The following SLC10A7 variants were observed in gnomAD, a reference collection of about 807,000 sequenced individuals.
The protein encoded by SLC10A7 is sodium/bile acid cotransporter 7.
Under a neutral mutation model 43.2 loss-of-function variants are expected in SLC10A7, and 29 were observed. The observed-to-expected ratio is 0.67, with a 90% CI of 0.50 to 0.92. SLC10A7 has a LOEUF of 0.92. SLC10A7 is among the 40% of genes least tolerant of loss of function. SLC10A7 has a pLI of 0.00. For missense variants in SLC10A7, 295 were observed against 403.2 expected, an observed-to-expected ratio of 0.73 and a Z score of 2.30; for synonymous variants, 152 against 144.8, an observed-to-expected ratio of 1.05 and a Z score of -0.35.
intron 5 of SLC10A7, among the ~76,000 whole-genome samples, chr4:146,379,959 CTGTGTGTGTG>C (rs869182731): frequency 2.5e-5 from 2 of 80,346 alleles, no homozygotes; most frequent in African/African-American, 5.0e-5. Flanking sequence ...CTCTCTCTCT[CTGTGTGTGTG>C]TGTGTGTGTG....
intron 5 of SLC10A7, among the ~76,000 whole-genome samples, chr4:146,434,875 T>G (rs182403421): frequency 7.2e-5 from 11 of 152,274 alleles, no homozygotes; most frequent in Admixed American, 2.6e-4. Context: ...TGAAGTTTTA[T>G]AGTAAAATAA....
At chr4:146,374,655 CACACACATAT>C (rs1737050642) in intron 5 of SLC10A7, among the ~76,000 whole-genome samples, 2 of 146,764 alleles carry the variant, frequency 1.4e-5, no homozygotes, top group African/African-American at 5.1e-5. Context: ...CACACACACA[CACACACATAT>C]ATATATATTT....
chr4:146,332,095 T>C (rs1733577903), intron 5 of SLC10A7, among the ~76,000 whole-genome samples: 1 of 152,174 alleles, frequency 6.6e-6, no homozygotes, highest in Non-Finnish European at 1.5e-5. Context: ...AGCAAGGGCC[T>C]CTTTCCTCTC....
chr4:146,318,246 C>G (rs1275655342), intron 6 of SLC10A7, among the ~76,000 whole-genome samples: 1 of 152,074 alleles, frequency 6.6e-6, no homozygotes, highest in Non-Finnish European at 1.5e-5. Context: ...GTCTTTAACT[C>G]TTCTTCCATT....
chr4:146,487,918 G>A (rs753113501), intron 4 of SLC10A7, among the ~76,000 whole-genome samples: 1 of 151,696 alleles, frequency 6.6e-6, no homozygotes, highest in East Asian at 1.9e-4. Flanking sequence ...AATTAGACAG[G>A]CATAGTGGTG....
chr4:146,396,413 T>C (rs1429674857), intron 5 of SLC10A7, among the ~76,000 whole-genome samples: 2 of 152,106 alleles, frequency 1.3e-5, no homozygotes, highest in African/African-American at 2.4e-5. Flanking sequence ...TTTTACATTA[T>C]GGTATGAAAG....
intron 5 of SLC10A7, among the ~76,000 whole-genome samples, chr4:146,405,789 G>A (rs1234475571): frequency 6.6e-6 from 1 of 151,788 alleles, no homozygotes; most frequent in African/African-American, 2.4e-5. Context: ...AACTCTTAAT[G>A]CTATATAATC....
At chr4:146,491,673 AGG>A in intron 4 of SLC10A7, among the ~76,000 whole-genome samples, 2 of 140,448 alleles carry the variant, frequency 1.4e-5, no homozygotes, top group Non-Finnish European at 3.1e-5. Flanking sequence ...AGAGGGAGGG[AGG>A]AAGGGAAGGA....
intron 5 of SLC10A7, among the ~76,000 whole-genome samples, chr4:146,329,013 A>G (rs1442107211): frequency 9.2e-5 from 14 of 152,256 alleles, no homozygotes; most frequent in Non-Finnish European, 1.5e-5. Context: ...TAATGATACT[A>G]AAGAAAATCA....
chr4:146,512,134 C>A (rs950592210), intron 2 of SLC10A7, among the ~76,000 whole-genome samples: 4 of 151,834 alleles, frequency 2.6e-5, no homozygotes, highest in African/African-American at 4.8e-5. Context: ...CCACCACACC[C>A]AGCTAATTTT....
intron 5 of SLC10A7, among the ~76,000 whole-genome samples, chr4:146,351,644 G>T (rs1355986144): frequency 6.6e-6 from 1 of 151,898 alleles, no homozygotes; most frequent in Non-Finnish European, 1.5e-5. Flanking sequence ...AGGAAGGTCG[G>T]GTTACCCTCA....
intron 10 of SLC10A7, among the ~76,000 whole-genome samples, chr4:146,276,033 CA>C (rs1431544683): frequency 6.6e-6 from 1 of 152,146 alleles, no homozygotes; most frequent in Non-Finnish European, 1.5e-5. Flanking sequence ...CACTCCCGCA[CA>C]TCCCTGATGG....
chr4:146,479,688 G>A (rs1734302882), intron 4 of SLC10A7, among the ~76,000 whole-genome samples: 1 of 152,152 alleles, frequency 6.6e-6, no homozygotes, highest in Non-Finnish European at 1.5e-5. Context: ...AAGTTACAGA[G>A]ATGGATGATG....
At chr4:146,410,653 A>T (rs187290786) in intron 5 of SLC10A7, among the ~76,000 whole-genome samples, 620 of 152,290 alleles carry the variant, frequency 4.1e-3, no homozygotes, top group African/African-American at 0.014. Flanking sequence ...CCAAGCATGG[A>T]TTACAATCCA....
chr4:146,275,986 C>T (rs1011469828), intron 10 of SLC10A7, among the ~76,000 whole-genome samples: 1 of 152,054 alleles, frequency 6.6e-6, no homozygotes, highest in Non-Finnish European at 1.5e-5. Flanking sequence ...ACCACAGATC[C>T]TCCCAACAGT....
intron 2 of SLC10A7, chr4:146,515,159 G>C: frequency 2.8e-6 from 2 of 702,436 alleles, no homozygotes; most frequent in Non-Finnish European, 5.2e-6. Context: ...AAGCTAAGGA[G>C]TGAGAGAAAT....
intron 5 of SLC10A7, among the ~76,000 whole-genome samples, chr4:146,335,251 TAAAAAAAAAAAAAAAAAAA>T (rs34522588): frequency 1.1e-5 from 1 of 92,640 alleles, no homozygotes; most frequent in Admixed American, 1.2e-4. Flanking sequence ...ACAGATGTTG[TAAAAAAAAAAAAAAAAAAA>T]AAAAAAAAAA....
At chr4:146,450,920 C>T (rs916750988) in intron 4 of SLC10A7, among the ~76,000 whole-genome samples, 1 of 149,344 alleles carries the variant, frequency 6.7e-6, no homozygotes, top group African/African-American at 2.5e-5. Context: ...GAAATGTTAA[C>T]AATAAAAAAT....
intron 4 of SLC10A7, among the ~76,000 whole-genome samples, chr4:146,443,214 A>G (rs1304028138): frequency 1.4e-5 from 1 of 70,956 alleles, no homozygotes; most frequent in Non-Finnish European, 2.4e-5. Context: ...ACAGAATTGT[A>G]AGACAAACAT....
Sources: allele counts gnomAD v4.1 joint callset (sites outside exome capture counted in the v4.1 genomes callset), GRCh38; gene constraint gnomAD v4.1.1; transcripts MANE v1.5; gene names NCBI Gene and HGNC (gene_info 2026-07-23, HGNC 2026-07-21).